The following CDON variants were observed in gnomAD, a reference collection of about 807,000 sequenced individuals.
CDON encodes the protein cell adhesion molecule-related/down-regulated by oncogenes.
CDON carries 73 observed loss-of-function variants against 120.9 expected under a neutral mutation model. That is an observed-to-expected ratio of 0.60 (90% CI 0.50 to 0.73). CDON has a LOEUF of 0.73. CDON is among the 30% of genes least tolerant of loss of function. The probability of loss-of-function intolerance (pLI) is 0.00; values close to 1 mark genes in which losing one functional copy is unlikely to be tolerated. For synonymous variants in CDON, 566 were observed against 573.5 expected (o/e 0.99, Z 0.19); for missense variants, 1,470 against 1,587.3 (o/e 0.93, Z 1.26).
At position 125,960,607 on chromosome 11, in the gene CDON, A is replaced by C; in HGVS notation, c.*335T>G. Reference sequence around the variant, plus strand: ...GCATTCCCTCCTAGCCGAAGCAGCCAAGAGATGGGATCCTTTGCATGAGGA... The same window carrying C: ...GCATTCCCTCCTAGCCGAAGCAGCCCAGAGATGGGATCCTTTGCATGAGGA... On this transcript the variant is annotated 3_prime_UTR_variant, in exon 20 of 20. Transcript: ENST00000531738. The C allele has an allele frequency of 3.2e-6, 1 of 310,362 alleles. No homozygotes were observed. The highest frequency in any genetic ancestry group is 6.0e-6 in the Non-Finnish European group (1 of 165,614). 19.2% of individuals were successfully genotyped at this position (310,362 alleles called of 1,614,324 possible).
At chr11:125,988,993 G>A (rs867638889) in intron 15 of CDON, among the ~76,000 whole-genome samples, 1 of 152,026 alleles carries the variant, frequency 6.6e-6, no homozygotes, top group South Asian at 2.1e-4. Flanking sequence ...AAAAACGGAA[G>A]GGTTCATGAC....
chr11:125,970,660 C>T (rs1161724252), intron 18 of CDON, among the ~76,000 whole-genome samples: 4 of 152,200 alleles, frequency 2.6e-5, no homozygotes, highest in African/African-American at 9.6e-5. Context: ...ATGACCGCAG[C>T]ATTAGAGTGG....
intron 7 of CDON, among the ~76,000 whole-genome samples, chr11:126,012,079 G>T (rs1010799538): frequency 1.3e-5 from 2 of 152,122 alleles, no homozygotes; most frequent in Non-Finnish European, 2.9e-5. Context: ...AATTACTACA[G>T]ATATTTTAGA....
intron 1 of CDON, among the ~76,000 whole-genome samples, chr11:126,057,172 T>A (rs998349573): frequency 6.6e-6 from 1 of 152,200 alleles, no homozygotes; most frequent in Non-Finnish European, 1.5e-5. Flanking sequence ...AATGAGGTCA[T>A]GGTTGTTTTC....
chr11:126,000,216 T>TAA (rs11453388), intron 11 of CDON, among the ~76,000 whole-genome samples: 15 of 151,814 alleles, frequency 9.9e-5, no homozygotes, highest in African/African-American at 3.1e-4. Context: ...GTAATTTTTT[T>TAA]AAAAAAATAG....
intron 1 of CDON, among the ~76,000 whole-genome samples, chr11:126,043,823 C>A (rs1056078969): frequency 1.3e-5 from 2 of 152,052 alleles, no homozygotes; most frequent in African/African-American, 4.8e-5. Flanking sequence ...GGTTTTAGTT[C>A]TATTCTAATC....
intron 14 of CDON, among the ~76,000 whole-genome samples, chr11:125,992,211 A>G (rs998918975): frequency 5.3e-5 from 8 of 152,180 alleles, no homozygotes; most frequent in African/African-American, 1.7e-4. Context: ...AGGAAGACCT[A>G]GACAGGCCCC....
chr11:125,967,866 G>A (rs1201965264), intron 18 of CDON, among the ~76,000 whole-genome samples: 1 of 152,068 alleles, frequency 6.6e-6, no homozygotes, highest in Non-Finnish European at 1.5e-5. Flanking sequence ...CTACAGGCAC[G>A]TGCTACCATT....
intron 1 of CDON, among the ~76,000 whole-genome samples, 166 bp downstream of exon 1, chr11:126,062,413 C>G (rs978409003): frequency 2.6e-5 from 4 of 151,676 alleles, no homozygotes; most frequent in Admixed American, 6.6e-5. Flanking sequence ...GCCGGGCAAG[C>G]ATCAGCATCC....
intron 18 of CDON, among the ~76,000 whole-genome samples, chr11:125,964,804 A>G (rs1565487984): frequency 6.6e-6 from 1 of 152,238 alleles, no homozygotes; most frequent in Admixed American, 6.5e-5. Context: ...TCTCATAATC[A>G]GGAAAATTAC....
rs536241652 is a variant in CDON, at chr11:126,004,256, C to T, written c.1852-180G>A. On this transcript the variant is annotated intron_variant, in intron 9 of 19. Coordinates refer to ENST00000531738, the MANE Select transcript of CDON (RefSeq NM_001378964.1). ...ATATTAAGAAATAGAAGATCTGCTG[C>T]AAGAACGCTGCAATTCTCACTGTAG... 54 of 682,624 alleles carry T rather than the reference C, an allele frequency of 7.9e-5. No homozygotes were observed. In the South Asian group the frequency reaches 9.1e-4, roughly 12 times the overall value. The allele number at this position is 682,624 out of a possible 1,614,324, so 42.3% of individuals were successfully genotyped here. A position where few individuals can be genotyped will look rare whatever the true frequency, so the allele number is the denominator to read the frequency against.
Position 125,997,345 on chromosome 11 carries a change from T to C in CDON, c.2224A>G (p.Ile742Val). Reference sequence around the variant, plus strand: ...GGAGAACCCCCGTTTGCCCGAGGAATCCAAGTGACATAGACTGATGTCTCT... The same window carrying C: ...GGAGAACCCCCGTTTGCCCGAGGAACCCAAGTGACATAGACTGATGTCTCT... ...ASETSVYVTW[I>V]PRANGGSPIT... is the part of the protein sequence containing the mutation. Residue 742 changes from isoleucine (I) to valine (V), a missense_variant, in exon 12 of 20, where the codon ATT becomes GTT. Physicochemically the swap from Ile to Val is conservative, Grantham distance 29. Coordinates refer to ENST00000531738, the MANE Select transcript of CDON (RefSeq NM_001378964.1). The C allele has an allele frequency of 6.2e-7, 1 of 1,614,050 alleles. No individual in the cohort carries two copies. The highest frequency in any genetic ancestry group is 8.5e-7 in the Non-Finnish European group (1 of 1,179,966).
At chr11:126,039,809 C>T (rs893137466) in intron 1 of CDON, among the ~76,000 whole-genome samples, 5 of 152,070 alleles carry the variant, frequency 3.3e-5, no homozygotes, top group African/African-American at 1.2e-4. Flanking sequence ...TTAAGCTTCC[C>T]CTCCAAAATA....
rs577549013 is a variant in CDON at position 125,983,166 on chromosome 11, AC to A, written c.2995+705del. ...AGGGGAAACCAAAAAACTTCCTCCC[AC>A]CAAAGACTAAACTCTCTGCTTGATT... On this transcript the variant is annotated intron_variant, in intron 16 of 19. Coordinates refer to ENST00000531738, the MANE Select transcript of CDON (RefSeq NM_001378964.1). 3.9e-5 allele frequency among the ~76,000 whole-genome samples: 6 copies of A among 152,248 alleles called. No homozygotes were observed. In the South Asian group the frequency reaches 1.2e-3, roughly 32 times the overall value.
intron 1 of CDON, among the ~76,000 whole-genome samples, chr11:126,051,465 A>G (rs1156807951): frequency 2.6e-5 from 4 of 152,154 alleles, no homozygotes; most frequent in Admixed American, 2.6e-4. Flanking sequence ...CAAGACTCCT[A>G]TTAACACTAC....
chr11:126,054,452 TTTTC>T (rs1259991552), intron 1 of CDON, among the ~76,000 whole-genome samples: 1 of 152,244 alleles, frequency 6.6e-6, no homozygotes, highest in Non-Finnish European at 1.5e-5. Flanking sequence ...GTAACTGTTT[TTTTC>T]TTTATCTAAA....
chr11:125,961,603 C>A, intron 19 of CDON, 121 bp downstream of exon 19: 1 of 1,370,004 alleles, frequency 7.3e-7, no homozygotes, highest in Non-Finnish European at 1.0e-6. Flanking sequence ...CCCACCCAGT[C>A]TCCCAAGAAA....
chr11:126,007,479 G>C (rs1947161098), intron 8 of CDON, among the ~76,000 whole-genome samples: 1 of 152,198 alleles, frequency 6.6e-6, no homozygotes. Context: ...GTGTGATCTG[G>C]TGCCTGCTAA....
chr11:126,026,721 A>T (rs1046387662), intron 1 of CDON, among the ~76,000 whole-genome samples: 5 of 152,222 alleles, frequency 3.3e-5, no homozygotes, highest in Non-Finnish European at 7.3e-5. Context: ...GCGGCAGAAG[A>T]GTCCAGCTGT....
Sources: gnomAD v4.1 joint callset for allele counts (sites outside exome capture counted in the v4.1 genomes callset) on GRCh38, gnomAD v4.1.1 for gene constraint, MANE v1.5 for transcripts, NCBI Gene and HGNC (gene_info 2026-07-23, HGNC 2026-07-21) for gene names.